The following SEPTIN7 variants were observed in gnomAD, a reference collection of about 807,000 sequenced individuals.
SEPTIN7 encodes septin 7.
SEPTIN7 carries 10 observed loss-of-function variants against 63.3 expected under a neutral mutation model. That is an observed-to-expected ratio of 0.16 (90% CI 0.10 to 0.27). The LOEUF (loss-of-function observed/expected upper bound fraction) is 0.27, where lower values mean the gene tolerates loss of function less well. Among genes scored for constraint, SEPTIN7 ranks in the 10% least tolerant of loss-of-function variants. The pLI is 1.00. For synonymous variants in SEPTIN7, 131 were observed against 165.3 expected, an observed-to-expected ratio of 0.79 and a Z score of 1.59; for missense variants, 310 against 521.0, an observed-to-expected ratio of 0.59 and a Z score of 3.94.
intron 3 of SEPTIN7, among the ~76,000 whole-genome samples, chr7:35,836,668 G>C (rs1236318899): frequency 6.6e-6 from 1 of 152,000 alleles, no homozygotes; most frequent in African/African-American, 2.4e-5. Flanking sequence ...GAGTTACTTA[G>C]TTAGTGATAG....
At chr7:35,838,094 A>T (rs887596981) in intron 3 of SEPTIN7, among the ~76,000 whole-genome samples, 1 of 152,200 alleles carries the variant, frequency 6.6e-6, no homozygotes, top group African/African-American at 2.4e-5. Flanking sequence ...GTTTATTTTT[A>T]AAAACTTTTT....
rs910159005 is a variant in SEPTIN7 at position 35,845,564 on chromosome 7, C to T, written c.169+12664C>T. 7.9e-5 allele frequency among the ~76,000 whole-genome samples: 12 copies of T among 152,034 alleles called. 1 individual carries two copies. The highest frequency in any genetic ancestry group is 2.7e-4 in the African/African-American group (11 of 41,412). On this transcript the variant is annotated intron_variant, in intron 3 of 13. Transcript: ENST00000350320. Reference sequence around the variant, plus strand: ...AGATGGTTGAGAATTTATTCTTTTCCTTCTTAAAACATGGTTTAGCTGAGT... The same window carrying T: ...AGATGGTTGAGAATTTATTCTTTTCTTTCTTAAAACATGGTTTAGCTGAGT...
chr7:35,912,580 C>G, the SEPTIN7 span, among the ~76,000 whole-genome samples: 1 of 152,196 alleles, frequency 6.6e-6, no homozygotes, highest in Non-Finnish European at 1.5e-5. Flanking sequence ...GTCTTTAATT[C>G]CTCTAGCACC....
At chr7:35,867,641 C>T (rs932774591) in intron 4 of SEPTIN7, among the ~76,000 whole-genome samples, 56 of 152,182 alleles carry the variant, frequency 3.7e-4, no homozygotes, top group Admixed American at 2.8e-3. Context: ...TGAGCCACCA[C>T]GCCTGGCCTG....
chr7:35,855,139 T>G (rs543313622), intron 3 of SEPTIN7, among the ~76,000 whole-genome samples: 255 of 152,298 alleles, frequency 1.7e-3, no homozygotes, highest in Non-Finnish European at 1.3e-3. Flanking sequence ...TCAATTTTTT[T>G]TGTGTGTGTA....
At chr7:35,881,779 T>G (rs1786895254) in intron 7 of SEPTIN7, among the ~76,000 whole-genome samples, 1 of 151,964 alleles carries the variant, frequency 6.6e-6, no homozygotes, top group South Asian at 2.1e-4. Flanking sequence ...ATGTCTGTAT[T>G]CTGTTTAGAA....
intron 3 of SEPTIN7, among the ~76,000 whole-genome samples, chr7:35,854,833 T>A (rs922500796): frequency 5.3e-5 from 8 of 152,014 alleles, no homozygotes; most frequent in Non-Finnish European, 1.0e-4. Flanking sequence ...AAAACTGATA[T>A]ACAAAGAAGA....
At chr7:35,874,342 A>G (rs1178657926) in intron 6 of SEPTIN7, among the ~76,000 whole-genome samples, 2 of 152,154 alleles carry the variant, frequency 1.3e-5, no homozygotes, top group Non-Finnish European at 2.9e-5. Context: ...GAATCTAGAC[A>G]TTAATCTAAT....
Position 35,898,346 on chromosome 7 carries a change from A to G in SEPTIN7, c.1097A>G (p.Lys366Arg). 1.3e-6 allele frequency: 2 copies of G among 1,549,562 alleles called. No individual in the cohort carries two copies. Among genetic ancestry groups the G allele is most frequent in the African/African-American group, 2.7e-5 (2 of 73,156 alleles). The stretch of plus-strand genomic sequence containing the variant: ...GAGCAGGTGTTTGAGATGAAGGTCA[A>G]AGAAAAAGTTCAAAAACTGAAGGAC... ...EMEQVFEMKVKEKVQKLKDSE... is the reference protein window; with the variant it reads ...EMEQVFEMKVREKVQKLKDSE... Residue 366 changes from lysine (K) to arginine (R), a missense_variant, in exon 12 of 14, where the codon AAA becomes AGA. Physicochemically the swap from Lys to Arg is conservative, Grantham distance 26. This residue lies in a region of SEPTIN7 where 255 missense variants were observed against 490.5 expected (regional missense o/e 0.52). Coordinates refer to ENST00000350320, the MANE Select transcript of SEPTIN7 (RefSeq NM_001788.6).
At chr7:35,909,541 A>G (rs998799583), downstream of SEPTIN7, among the ~76,000 whole-genome samples, 2 of 152,224 alleles carry the variant, frequency 1.3e-5, no homozygotes, top group African/African-American at 4.8e-5. Flanking sequence ...TTTAGACAGT[A>G]TTCAAACTGG....
rs551452405 is a variant in SEPTIN7, at chr7:35,856,773, T to C, written c.170-6779T>C. Among the ~76,000 whole-genome samples, 123 of 152,332 alleles carry C rather than the reference T, an allele frequency of 8.1e-4. 1 individual carries two copies. The highest frequency in any genetic ancestry group is 2.8e-3 in the African/African-American group (117 of 41,584). ...GGTGGGGAGATGGTCTTGGTTACTTTCCTTATTTCTCATCGAGGTTTGTGT... is the reference window on the plus strand; with the variant it reads ...GGTGGGGAGATGGTCTTGGTTACTTCCCTTATTTCTCATCGAGGTTTGTGT... On this transcript the variant is annotated intron_variant, in intron 3 of 13. Coordinates refer to ENST00000350320, the MANE Select transcript of SEPTIN7 (RefSeq NM_001788.6).
chr7:35,839,852 C>T (rs1395606993), intron 3 of SEPTIN7, among the ~76,000 whole-genome samples: 1 of 152,106 alleles, frequency 6.6e-6, no homozygotes, highest in Non-Finnish European at 1.5e-5. Flanking sequence ...TGCGCCTGAC[C>T]TGTAATTTAT....
At chr7:35,888,433 T>C (rs1317901107) in intron 10 of SEPTIN7, among the ~76,000 whole-genome samples, 2 of 152,220 alleles carry the variant, frequency 1.3e-5, no homozygotes, top group Non-Finnish European at 2.9e-5. Context: ...CTTACTTTTA[T>C]CTTACACATT....
At chr7:35,913,868 G>A in the SEPTIN7 span, among the ~76,000 whole-genome samples, 1 of 152,156 alleles carries the variant, frequency 6.6e-6, no homozygotes, top group African/African-American at 2.4e-5. Flanking sequence ...GGGATTACAG[G>A]CATGAGCCAC....
chr7:35,869,881 A>G (rs561489209), intron 4 of SEPTIN7, among the ~76,000 whole-genome samples: 5 of 152,242 alleles, frequency 3.3e-5, no homozygotes, highest in African/African-American at 4.8e-5. Flanking sequence ...TTCTTTTGGT[A>G]TTAAATGATG....
rs569668882 is a variant in SEPTIN7, at chr7:35,838,899, C to A, written c.169+5999C>A. Among the ~76,000 whole-genome samples, 32 of 152,246 alleles carry A rather than the reference C, an allele frequency of 2.1e-4. 1 individual carries two copies. In the South Asian group the frequency reaches 6.2e-3, roughly 30 times the overall value. On this transcript the variant is annotated intron_variant, in intron 3 of 13. Coordinates refer to ENST00000350320, the MANE Select transcript of SEPTIN7 (RefSeq NM_001788.6). Reference sequence around the variant, plus strand: ...GTAGCCCTACCAAAACCGTTTGTTACAAGCTTAATTTTTAAAAGTGTATAT... The same window carrying A: ...GTAGCCCTACCAAAACCGTTTGTTAAAAGCTTAATTTTTAAAAGTGTATAT...
intron 1 of SEPTIN7, among the ~76,000 whole-genome samples, chr7:35,825,924 C>T (rs1783487452): frequency 6.6e-6 from 1 of 152,158 alleles, no homozygotes; most frequent in Non-Finnish European, 1.5e-5. Context: ...TTGGTTCTGT[C>T]AGTACCCAGT....
chr7:35,840,616 T>A (rs1213508194), intron 3 of SEPTIN7, among the ~76,000 whole-genome samples: 1 of 151,908 alleles, frequency 6.6e-6, no homozygotes, highest in African/African-American at 2.4e-5. Context: ...TACTAAAGAT[T>A]ATATATTAAG....
intron 1 of SEPTIN7, among the ~76,000 whole-genome samples, chr7:35,814,484 A>G (rs1788921920): frequency 7.5e-6 from 1 of 134,090 alleles, no homozygotes; most frequent in Non-Finnish European, 1.6e-5. Context: ...ATGAATTGTA[A>G]GGGTTTTTTT....
Sources: allele counts gnomAD v4.1 joint callset (sites outside exome capture counted in the v4.1 genomes callset), GRCh38; gene constraint gnomAD v4.1.1; regional missense constraint gnomAD v4.1.1; transcripts MANE v1.5; gene names NCBI Gene and HGNC (gene_info 2026-07-23, HGNC 2026-07-21).